The following KATNAL1 variants were observed in gnomAD, a reference collection of about 807,000 sequenced individuals.
KATNAL1 encodes the protein katanin p60 ATPase-containing subunit A-like 1.
A neutral mutation model predicts 55.2 loss-of-function variants in KATNAL1; 32 were observed. The observed-to-expected ratio is 0.58, with a 90% CI of 0.44 to 0.78. The LOEUF is 0.78. KATNAL1 is among the 30% of genes least tolerant of loss of function. KATNAL1 has a pLI of 0.00. For synonymous variants in KATNAL1, 193 were observed against 193.6 expected, an observed-to-expected ratio of 1.00 and a Z score of 0.02; for missense variants, 466 against 600.9, an observed-to-expected ratio of 0.78 and a Z score of 2.35.
intron 9 of KATNAL1, among the ~76,000 whole-genome samples, chr13:30,212,030 A>C (rs1276773731): frequency 6.6e-6 from 1 of 152,250 alleles, no homozygotes; most frequent in African/African-American, 2.4e-5. Context: ...AAAAAAATGA[A>C]ATCAGGTCCT....
intron 1 of KATNAL1, chr13:30,296,101 G>A (rs558644624): frequency 1.8e-4 from 59 of 333,688 alleles, no homozygotes; most frequent in African/African-American, 1.2e-3. Context: ...GTCCACGCAC[G>A]TGATCGTCCG....
At chr13:30,221,214 G>GT (rs1184701718) in intron 9 of KATNAL1, among the ~76,000 whole-genome samples, 3 of 152,158 alleles carry the variant, frequency 2.0e-5, no homozygotes, top group Admixed American at 2.0e-4. Flanking sequence ...AAATTTGTAG[G>GT]TGAGGTTTCC....
At position 30,240,579 on chromosome 13, in the gene KATNAL1, G is replaced by A; in HGVS notation, c.621-14C>T. ...GCTATGTCATCCCTTTGAAAGAACA[G>A]CAAACTTTCATAATGTTTACTCAGG... On this transcript the variant is annotated splice_polypyrimidine_tract_variant and intron_variant, in intron 5 of 10. Coordinates refer to ENST00000380615, the MANE Select transcript of KATNAL1 (RefSeq NM_032116.5). 2 of 1,553,168 alleles carry A rather than the reference G, an allele frequency of 1.3e-6. No homozygotes were observed. The highest frequency in any genetic ancestry group is 1.7e-5 in the Admixed American group (1 of 59,676).
At chr13:30,254,271 T>C (rs758525815) in intron 4 of KATNAL1, among the ~76,000 whole-genome samples, 18 of 152,230 alleles carry the variant, frequency 1.2e-4, no homozygotes, top group Non-Finnish European at 2.4e-4. Flanking sequence ...ATGTGGCTTT[T>C]GATAATGGAG....
chr13:30,303,233 G>A (rs1429775686), intron 1 of KATNAL1, among the ~76,000 whole-genome samples: 2 of 152,190 alleles, frequency 1.3e-5, no homozygotes, highest in Admixed American at 6.5e-5. Context: ...AAGACATCCA[G>A]TGAAGATTAA....
At chr13:30,249,545 A>G (rs966619197) in intron 4 of KATNAL1, among the ~76,000 whole-genome samples, 2 of 152,248 alleles carry the variant, frequency 1.3e-5, no homozygotes, top group African/African-American at 4.8e-5. Context: ...ATATACTACT[A>G]TATGACAATG....
intron 3 of KATNAL1, among the ~76,000 whole-genome samples, chr13:30,267,046 C>A (rs151195118): frequency 1.3e-5 from 2 of 152,238 alleles, no homozygotes; most frequent in African/African-American, 4.8e-5. Flanking sequence ...GAGAGTGGGG[C>A]AAGGGGTGTG....
chr13:30,270,817 T>G (rs1427120154), intron 3 of KATNAL1, among the ~76,000 whole-genome samples: 2 of 151,086 alleles, frequency 1.3e-5, no homozygotes, highest in Non-Finnish European at 3.0e-5. Context: ...CAGAGACCTT[T>G]GTTCACTTGT....
intron 9 of KATNAL1, among the ~76,000 whole-genome samples, chr13:30,214,543 C>A (rs1593830086): frequency 2.0e-5 from 3 of 152,210 alleles, no homozygotes; most frequent in Admixed American, 2.0e-4. Flanking sequence ...CTACAGTAAC[C>A]AAAACAGCAT....
At chr13:30,294,521 G>C (rs1448009808) in intron 1 of KATNAL1, among the ~76,000 whole-genome samples, 1 of 152,182 alleles carries the variant, frequency 6.6e-6, no homozygotes, top group Non-Finnish European at 1.5e-5. Context: ...AGCAAGTAGA[G>C]ACTGGTTTAT....
chr13:30,208,521 T>G lies in KATNAL1; in HGVS notation c.*19A>C. The stretch of plus-strand genomic sequence containing the variant: ...ATTTTATCAACAAAAATACCAGAAA[T>G]TAAAGAGCTGACAGAAATTCAAGCA... On this transcript the variant is annotated 3_prime_UTR_variant, in exon 11 of 11. Coordinates refer to ENST00000380615, the MANE Select transcript of KATNAL1 (RefSeq NM_032116.5). The G allele has an allele frequency of 6.8e-7, 1 of 1,475,786 alleles. No homozygotes were observed. Among genetic ancestry groups the G allele is most frequent in the Non-Finnish European group, 9.0e-7 (1 of 1,104,988 alleles). The allele number at this position is 1,475,786 out of a possible 1,614,324, so 91.4% of individuals were successfully genotyped here.
At chr13:30,290,806 G>C (rs1882086623) in intron 1 of KATNAL1, among the ~76,000 whole-genome samples, 1 of 151,700 alleles carries the variant, frequency 6.6e-6, no homozygotes, top group African/African-American at 2.4e-5. Flanking sequence ...AATTCAAGAT[G>C]GTTTATTTTA....
intron 9 of KATNAL1, among the ~76,000 whole-genome samples, chr13:30,217,950 A>T (rs1352937829): frequency 6.6e-6 from 1 of 152,122 alleles, no homozygotes; most frequent in Non-Finnish European, 1.5e-5. Context: ...ACCTGGGGAC[A>T]CGAGACAGGC....
chr13:30,303,790 C>A (rs1883010927), intron 1 of KATNAL1, among the ~76,000 whole-genome samples: 1 of 152,148 alleles, frequency 6.6e-6, no homozygotes, highest in Non-Finnish European at 1.5e-5. Flanking sequence ...ATGCCCTATA[C>A]AATAACATTT....
At chr13:30,209,705 T>C (rs999486186) in intron 10 of KATNAL1, among the ~76,000 whole-genome samples, 6 of 152,272 alleles carry the variant, frequency 3.9e-5, no homozygotes, top group African/African-American at 1.4e-4. Flanking sequence ...TTTAGGTTGA[T>C]GCAGAAAGGC....
intron 9 of KATNAL1, among the ~76,000 whole-genome samples, chr13:30,226,825 C>A (rs186655660): frequency 3.7e-4 from 56 of 152,192 alleles, no homozygotes; most frequent in African/African-American, 1.3e-3. Flanking sequence ...ACCGGTAATC[C>A]CAGCACTTTA....
intron 3 of KATNAL1, among the ~76,000 whole-genome samples, chr13:30,276,527 A>G (rs937966417): frequency 1.3e-5 from 2 of 151,956 alleles, no homozygotes; most frequent in Non-Finnish European, 1.5e-5. Context: ...AAAAAAAAAA[A>G]AAAAGAAAAA....
intron 3 of KATNAL1, among the ~76,000 whole-genome samples, chr13:30,266,555 A>C (rs1047616228): frequency 2.0e-5 from 3 of 152,184 alleles, no homozygotes; most frequent in African/African-American, 4.8e-5. Flanking sequence ...GCATGAAAAA[A>C]ATCACAAGTC....
chr13:30,215,728 G>C (rs1874154261), intron 9 of KATNAL1, among the ~76,000 whole-genome samples: 1 of 150,244 alleles, frequency 6.7e-6, no homozygotes, highest in Non-Finnish European at 1.5e-5. Context: ...TGAACAATGA[G>C]AACACATGGA....
Sources: allele counts gnomAD v4.1 joint callset (sites outside exome capture counted in the v4.1 genomes callset), GRCh38; gene constraint gnomAD v4.1.1; transcripts MANE v1.5; gene names NCBI Gene and HGNC (gene_info 2026-07-23, HGNC 2026-07-21).